Variants in LRP4 observed in about 807,000 individuals in gnomAD.
LRP4 encodes the protein low-density lipoprotein receptor-related protein 4.
Under a neutral mutation model 220.3 loss-of-function variants are expected in LRP4, and 95 were observed. The ratio of observed to expected loss-of-function variants is 0.43; its 90% confidence interval spans 0.37 to 0.51. The LOEUF is 0.51. Among genes scored for constraint, LRP4 ranks in the 20% least tolerant of loss-of-function variants. LRP4 has a pLI of 0.00. For synonymous variants in LRP4, 903 were observed against 954.6 expected (o/e 0.95, Z 1.00); for missense variants, 1,925 against 2,567.0 (o/e 0.75, Z 5.40).
chr11:46,911,841 C>CTTTTTT (rs540593524), intron 1 of LRP4, among the ~76,000 whole-genome samples: 6 of 118,790 alleles, frequency 5.1e-5, no homozygotes, highest in Non-Finnish European at 5.1e-5. Context: ...TGGGAATCTT[C>CTTTTTT]TTTTTTTTTT....
chr11:46,911,608 A>AAAAG lies in LRP4; in HGVS notation c.52+6719_52+6720insCTTT, dbSNP rs60596634. On this transcript the variant is annotated intron_variant, in intron 1 of 37. Coordinates refer to ENST00000378623, the MANE Select transcript of LRP4 (RefSeq NM_002334.4). Reference sequence around the variant, plus strand: ...TGTCTCAAAAAAAAAAAATAAATAAATAAATAAAAATAAAGTCTCTCTCCC... The same window carrying AAAAG: ...TGTCTCAAAAAAAAAAAATAAATAAAAAAGTAAATAAAAATAAAGTCTCTCTCCC... Among the ~76,000 whole-genome samples, 6 of 140,006 alleles carry AAAAG rather than the reference A, an allele frequency of 4.3e-5. 1 individual carries two copies. Among genetic ancestry groups the AAAAG allele is most frequent in the African/African-American group, 8.2e-5 (3 of 36,412 alleles). 91.8% of individuals were successfully genotyped at this position (140,006 alleles called of 152,430 possible). A position where few individuals can be genotyped will look rare whatever the true frequency, so the allele number is the denominator to read the frequency against.
chr11:46,901,978 C>T (rs1941674866), intron 2 of LRP4, among the ~76,000 whole-genome samples: 1 of 151,812 alleles, frequency 6.6e-6, no homozygotes, highest in Admixed American at 6.6e-5. Context: ...CGTGATCTGC[C>T]CACCTCAGCC....
intron 37 of LRP4, 40 bp from the exon 38 acceptor site, chr11:46,859,355 C>T: frequency 6.8e-7 from 1 of 1,475,782 alleles, no homozygotes; most frequent in South Asian, 1.1e-5. Flanking sequence ...GTCAGTTGGC[C>T]TTCTACAAAG....
At chr11:46,910,944 G>A (rs879738873) in intron 1 of LRP4, among the ~76,000 whole-genome samples, 1 of 152,060 alleles carries the variant, frequency 6.6e-6, no homozygotes, top group African/African-American at 2.4e-5. Flanking sequence ...CCAAAGCACT[G>A]GGATTACAGG....
intron 36 of LRP4, 119 bp downstream of exon 36, chr11:46,864,329 C>T: frequency 1.2e-6 from 1 of 813,616 alleles, no homozygotes; most frequent in Non-Finnish European, 2.2e-6. Context: ...GACCAGGCAC[C>T]CAACCTTGCA....
At position 46,873,093 on chromosome 11, in the gene LRP4, C is replaced by CTATGA; in HGVS notation, c.4583+6_4583+7insTCATA. The CTATGA allele has an allele frequency of 6.2e-7, 1 of 1,614,206 alleles. No homozygotes were observed. Among genetic ancestry groups the CTATGA allele is most frequent in the East Asian group, 2.2e-5 (1 of 44,884 alleles). On this transcript the variant is annotated splice_region_variant and intron_variant, in intron 30 of 37. Coordinates refer to ENST00000378623, the MANE Select transcript of LRP4 (RefSeq NM_002334.4). This position sits in a 1 kb window ranked among gnomAD's most constrained non-coding sequence, Gnocchi z 4.2. Reference sequence around the variant, plus strand: ...TTCCAGGAGGCTGTTTGATGCAAGACTCCCACCTGCGGGTATCATAGTCCA... The same window carrying CTATGA: ...TTCCAGGAGGCTGTTTGATGCAAGACTATGATCCCACCTGCGGGTATCATAGTCCA...
Position 46,869,106 on chromosome 11 carries a change from G to A in LRP4, c.4719C>T (p.Asp1573=). 6.2e-7 allele frequency: 1 copy of A among 1,614,188 alleles called. No individual in the cohort carries two copies. The highest frequency in any genetic ancestry group is 8.5e-7 in the Non-Finnish European group (1 of 1,180,032). ...CACGCTGGATTGACTTGGTCTGCCA[G>A]TCTGTCCAGTAGATCCACCTGTCTT... The part of the protein sequence containing the change: ...TQQDRWIYWT[D]WQTKSIQRVD... The change falls in exon 32 of 38, where the codon GAC becomes GAT. Residue 1573 remains aspartate, a synonymous_variant. Transcript: ENST00000378623.
At chr11:46,869,542 T>C (rs1184406678) in intron 31 of LRP4, among the ~76,000 whole-genome samples, 2 of 152,208 alleles carry the variant, frequency 1.3e-5, no homozygotes, top group Non-Finnish European at 2.9e-5. Context: ...TGAAGGTTCT[T>C]ATAGGTTCCT....
chr11:46,902,697 C>T lies in LRP4; in HGVS notation c.199+86G>A, dbSNP rs1299958300. ...CTCTCTGAGTCCGACACAGTTGATG[C>T]AGAAAATACTCCATCAGCCTTGTCC... On this transcript the variant is annotated intron_variant, in intron 2 of 37. Transcript: ENST00000378623. 5 of 1,482,342 alleles carry T rather than the reference C, an allele frequency of 3.4e-6. No individual in the cohort carries two copies. In the Admixed American group the frequency reaches 8.4e-5, roughly 25 times the overall value. 91.8% of individuals were successfully genotyped at this position (1,482,342 alleles called of 1,614,324 possible). A position where few individuals can be genotyped will look rare whatever the true frequency, so the allele number is the denominator to read the frequency against.
chr11:46,873,249 T>G lies in LRP4; in HGVS notation c.4449-15A>C. ...AGAAGAGGTACCTGAGACACAACAG[T>G]GCCATCATCATCAAGGCATGGGAAG... On this transcript the variant is annotated splice_polypyrimidine_tract_variant and intron_variant, in intron 29 of 37. Transcript: ENST00000378623. This position sits in a 1 kb window ranked among gnomAD's most constrained non-coding sequence, Gnocchi z 4.2. 1 of 1,614,138 alleles carries G rather than the reference T, an allele frequency of 6.2e-7. No individual in the cohort carries two copies. Among genetic ancestry groups the G allele is most frequent in the Non-Finnish European group, 8.5e-7 (1 of 1,180,038 alleles).
chr11:46,896,168 G>A (rs1426656750), intron 9 of LRP4, 42 bp downstream of exon 9: 1 of 1,611,618 alleles, frequency 6.2e-7, no homozygotes. Context: ...GTGGGGTTCG[G>A]CCACAAACCA....
intron 34 of LRP4, among the ~76,000 whole-genome samples, chr11:46,866,986 T>C (rs1212472059): frequency 1.3e-5 from 2 of 152,188 alleles, no homozygotes; most frequent in Non-Finnish European, 2.9e-5. Flanking sequence ...ACATCATATT[T>C]AATCAATTTT....
intron 15 of LRP4, 136 bp from the exon 16 acceptor site, chr11:46,889,669 T>A: frequency 8.3e-7 from 1 of 1,198,100 alleles, no homozygotes; most frequent in Non-Finnish European, 1.2e-6. Context: ...CATCTGCCCC[T>A]GCTGCTAGCA....
Position 46,881,693 on chromosome 11 carries a change from C to T in LRP4, c.2814+9G>A. The T allele has an allele frequency of 1.2e-6, 2 of 1,613,734 alleles. No individual in the cohort carries two copies. The highest frequency in any genetic ancestry group is 1.7e-5 in the Admixed American group (1 of 60,014). On this transcript the variant is annotated intron_variant, in intron 20 of 37. Coordinates refer to ENST00000378623, the MANE Select transcript of LRP4 (RefSeq NM_002334.4). ...GCCACCCTTACCTTCCTCTTACTGC[C>T]ACCCTTACCTTCCTCTTACTGCCAT...
In LRP4 at chr11:46,873,402, C is replaced by T. The variant is rs750236429; in HGVS notation, c.4421G>A (p.Arg1474Gln). 3 of 1,614,126 alleles carry T rather than the reference C, an allele frequency of 1.9e-6. No homozygotes were observed. The highest frequency in any genetic ancestry group is 1.1e-5 in the South Asian group (1 of 91,080). Residue 1474 changes from arginine (R) to glutamine (Q), a missense_variant, in exon 29 of 38, where the codon CGG becomes CAG. By Grantham distance (43) the Arg-to-Gln change is conservative. Coordinates refer to ENST00000378623, the MANE Select transcript of LRP4 (RefSeq NM_002334.4). This position sits in a 1 kb window ranked among gnomAD's most constrained non-coding sequence, Gnocchi z 4.2. The part of the protein sequence containing the change: ...VLINNSLDEP[R>Q]AIAVFPRKGY... ...CTTCCTGGGGAAAACAGCAATGGCCCGGGGCTCATCCAGGCTATTGTTGAT... is the reference window on the plus strand; with the variant it reads ...CTTCCTGGGGAAAACAGCAATGGCCTGGGGCTCATCCAGGCTATTGTTGAT...
At chr11:46,909,611 CAAAAAAAAAAA>C (rs71042636) in intron 1 of LRP4, among the ~76,000 whole-genome samples, 17 of 46,094 alleles carry the variant, frequency 3.7e-4, no homozygotes, top group Non-Finnish European at 4.7e-4. Flanking sequence ...GACTCCGTCT[CAAAAAAAAAAA>C]AAAAAAAAAA....
chr11:46,863,925 T>A (rs1010648501), intron 36 of LRP4, among the ~76,000 whole-genome samples: 2 of 152,180 alleles, frequency 1.3e-5, no homozygotes, highest in African/African-American at 4.8e-5. Flanking sequence ...AGCAGCAAAC[T>A]GTAAGCTACG....
At chr11:46,878,302 C>CA (rs1413833967) in intron 22 of LRP4, among the ~76,000 whole-genome samples, 1 of 104,922 alleles carries the variant, frequency 9.5e-6, no homozygotes. Context: ...TTTTTTGAGA[C>CA]AGAGTCTCAC....
chr11:46,907,620 T>C (rs1460730932), intron 1 of LRP4, among the ~76,000 whole-genome samples: 1 of 152,196 alleles, frequency 6.6e-6, no homozygotes, highest in Non-Finnish European at 1.5e-5. Context: ...CTTCTTCCAG[T>C]GTAGCCCAGG....
Sources: gnomAD v4.1 joint callset for allele counts (sites outside exome capture counted in the v4.1 genomes callset) on GRCh38, gnomAD v4.1.1 for gene constraint, Gnocchi (gnomAD v3.1) non-coding constraint, MANE v1.5 for transcripts, NCBI Gene and HGNC (gene_info 2026-07-23, HGNC 2026-07-21) for gene names.